The following TSPAN13 variants were observed in gnomAD, a reference collection of about 807,000 sequenced individuals.
TSPAN13 encodes the protein tetraspanin-13.
A neutral mutation model predicts 26.9 loss-of-function variants in TSPAN13; 18 were observed. The observed-to-expected ratio is 0.67, with a 90% CI of 0.46 to 0.99. The LOEUF is 0.99. Ranked by LOEUF, TSPAN13 falls within the 50% of genes least tolerant of loss-of-function variation. TSPAN13 has a pLI of 0.00. For missense variants in TSPAN13, 201 were observed against 249.6 expected, an observed-to-expected ratio of 0.81 and a Z score of 1.31; for synonymous variants, 116 against 98.4, an observed-to-expected ratio of 1.18 and a Z score of -1.06.
chr7:16,757,042 T>A (rs1017685728), intron 1 of TSPAN13, among the ~76,000 whole-genome samples: 2 of 152,176 alleles, frequency 1.3e-5, no homozygotes, highest in Non-Finnish European at 2.9e-5. Context: ...AAATAATAAA[T>A]ACCTATAAAG....
chr7:16,760,426 T>C (rs1271334443), intron 1 of TSPAN13, among the ~76,000 whole-genome samples: 1 of 152,160 alleles, frequency 6.6e-6, no homozygotes, highest in African/African-American at 2.4e-5. Context: ...TGGCTCAGGC[T>C]CAAGGAATTG....
intron 4 of TSPAN13, among the ~76,000 whole-genome samples, chr7:16,778,187 G>C (rs1784774919): frequency 6.6e-6 from 1 of 152,134 alleles, no homozygotes; most frequent in African/African-American, 2.4e-5. Flanking sequence ...AACAAGTTGT[G>C]AAAGAAATAA....
intron 1 of TSPAN13, among the ~76,000 whole-genome samples, chr7:16,768,805 C>T (rs986578535): frequency 2.6e-5 from 4 of 152,180 alleles, no homozygotes; most frequent in Admixed American, 2.0e-4. Flanking sequence ...GACTATGCTG[C>T]TGGCTTATTT....
intron 1 of TSPAN13, among the ~76,000 whole-genome samples, chr7:16,754,582 T>G (rs1784461456): frequency 6.6e-6 from 1 of 152,250 alleles, no homozygotes; most frequent in African/African-American, 2.4e-5. Flanking sequence ...GTTTGTTTCG[T>G]GCTCACAGTA....
At chr7:16,774,486 A>C (rs1045543354) in intron 1 of TSPAN13, among the ~76,000 whole-genome samples, 5 of 152,188 alleles carry the variant, frequency 3.3e-5, no homozygotes, top group Non-Finnish European at 7.3e-5. Flanking sequence ...CAGCTCCTGA[A>C]GGGAAATGTG....
intron 1 of TSPAN13, chr7:16,775,913 G>C (rs948665375): frequency 7.9e-6 from 2 of 254,728 alleles, no homozygotes; most frequent in South Asian, 2.4e-4. Context: ...ATCTTCAGTA[G>C]CATGCATTTA....
At chr7:16,755,428 T>TA (rs977066466) in intron 1 of TSPAN13, among the ~76,000 whole-genome samples, 38 of 152,100 alleles carry the variant, frequency 2.5e-4, no homozygotes, top group Admixed American at 2.2e-3. Context: ...CACCTGGTGA[T>TA]ACAGTTCCTT....
chr7:16,762,296 A>T (rs1784551085), intron 1 of TSPAN13, among the ~76,000 whole-genome samples: 1 of 152,202 alleles, frequency 6.6e-6, no homozygotes, highest in South Asian at 2.1e-4. Flanking sequence ...TTGATTCAGC[A>T]GTGTGTTTTG....
chr7:16,766,403 G>A (rs76645940), intron 1 of TSPAN13, among the ~76,000 whole-genome samples: 4 of 152,174 alleles, frequency 2.6e-5, no homozygotes, highest in African/African-American at 7.2e-5. Context: ...GTGTATTTGC[G>A]TGTGCATGTG....
chr7:16,783,778 GAA>G lies in TSPAN13; in HGVS notation c.*291_*292del. 2.4e-6 allele frequency: 1 copy of G among 421,144 alleles called. No individual in the cohort carries two copies. Among genetic ancestry groups the G allele is most frequent in the Non-Finnish European group, 4.3e-6 (1 of 231,168 alleles). The allele number at this position is 421,144 out of a possible 1,614,324, so 26.1% of individuals were successfully genotyped here. A position where few individuals can be genotyped will look rare whatever the true frequency, so the allele number is the denominator to read the frequency against. Reference sequence around the variant, plus strand: ...GCCTTTCTTAGCATTTTTACCTGCAGAAAAACTTTGTATGGTACCACTGTGTT... The same window carrying G: ...GCCTTTCTTAGCATTTTTACCTGCAGAAACTTTGTATGGTACCACTGTGTT... On this transcript the variant is annotated 3_prime_UTR_variant, in exon 6 of 6. Coordinates refer to ENST00000262067, the MANE Select transcript of TSPAN13 (RefSeq NM_014399.4).
intron 1 of TSPAN13, among the ~76,000 whole-genome samples, chr7:16,756,111 C>G (rs1473010643): frequency 3.3e-5 from 5 of 152,098 alleles, no homozygotes; most frequent in African/African-American, 1.2e-4. Context: ...AGGCAAGTGA[C>G]AGGTAAAAGT....
At chr7:16,757,982 C>T (rs1270505366) in intron 1 of TSPAN13, among the ~76,000 whole-genome samples, 4 of 152,102 alleles carry the variant, frequency 2.6e-5, no homozygotes, top group East Asian at 1.9e-4. Context: ...TACAGGTGCC[C>T]GCCACCATGT....
intron 1 of TSPAN13, among the ~76,000 whole-genome samples, chr7:16,761,381 C>T (rs7781646): frequency 0.4 from 61,050 of 152,084 alleles, 12,632 homozygotes; most frequent in African/African-American, 0.45. Context: ...TGTTTGGCAT[C>T]GTAGAAACAT....
chr7:16,773,167 G>T (rs531497417), intron 1 of TSPAN13, among the ~76,000 whole-genome samples: 6 of 151,388 alleles, frequency 4.0e-5, no homozygotes, highest in South Asian at 2.1e-4. Flanking sequence ...AAAATCTTGG[G>T]GGGGGGCGGT....
chr7:16,782,314 T>C (rs919473744), intron 5 of TSPAN13, among the ~76,000 whole-genome samples: 3 of 152,118 alleles, frequency 2.0e-5, no homozygotes, highest in African/African-American at 7.2e-5. Context: ...TGTGGATTCT[T>C]ATTGTGGTCA....
Position 16,769,505 on chromosome 7 carries a change from T to C in TSPAN13, c.64-6706T>C, listed in dbSNP as rs541241253. Among the ~76,000 whole-genome samples, 4 of 151,838 alleles carry C rather than the reference T, an allele frequency of 2.6e-5. 1 individual carries two copies. Among genetic ancestry groups the C allele is most frequent in the South Asian group, 4.2e-4 (2 of 4,816 alleles). On this transcript the variant is annotated intron_variant, in intron 1 of 5. Transcript: ENST00000262067. ...TCTTCATGAAGATCTTGGACTACTT[T>C]TGTTGGATTTCTTCATATATATCTT...
intron 1 of TSPAN13, among the ~76,000 whole-genome samples, chr7:16,773,337 TAA>T (rs34398039): frequency 0.31 from 44,093 of 143,256 alleles, 7,114 homozygotes; most frequent in Non-Finnish European, 0.38. Context: ...TTTTGAATGT[TAA>T]AAAAAAAAAA....
intron 1 of TSPAN13, among the ~76,000 whole-genome samples, chr7:16,772,822 C>G (rs1016309216): frequency 6.6e-6 from 1 of 151,896 alleles, no homozygotes; most frequent in African/African-American, 2.4e-5. Context: ...ATGGTGAAAC[C>G]CCGTCTCTAC....
chr7:16,777,296 C>A (rs544802268), intron 3 of TSPAN13, among the ~76,000 whole-genome samples, 174 bp downstream of exon 3: 1 of 152,316 alleles, frequency 6.6e-6, no homozygotes, highest in African/African-American at 2.4e-5. Context: ...TGGAGCCGGA[C>A]ACCATCAGGT....
Sources: gnomAD v4.1 joint callset for allele counts (sites outside exome capture counted in the v4.1 genomes callset) on GRCh38, gnomAD v4.1.1 for gene constraint, MANE v1.5 for transcripts, NCBI Gene and HGNC (gene_info 2026-07-23, HGNC 2026-07-21) for gene names.